The following MKLN1 variants were observed in gnomAD, a reference collection of about 807,000 sequenced individuals.
The protein encoded by MKLN1 is muskelin.
MKLN1 carries 18 observed loss-of-function variants against 99.0 expected under a neutral mutation model. The observed-to-expected ratio is 0.18, with a 90% CI of 0.13 to 0.27. The LOEUF (loss-of-function observed/expected upper bound fraction) is 0.27. Among genes scored for constraint, MKLN1 ranks in the 10% least tolerant of loss-of-function variants. MKLN1 has a pLI of 1.00. For missense variants in MKLN1, 621 were observed against 875.9 expected, an observed-to-expected ratio of 0.71 and a Z score of 3.67; for synonymous variants, 288 against 293.2, an observed-to-expected ratio of 0.98 and a Z score of 0.18.
At chr7:131,481,142 G>A (rs1489762178) in intron 17 of MKLN1, among the ~76,000 whole-genome samples, 2 of 152,168 alleles carry the variant, frequency 1.3e-5, no homozygotes, top group East Asian at 3.8e-4. Flanking sequence ...TTCCTGTCTT[G>A]TCTGAGGGGA....
intron 2 of MKLN1, among the ~76,000 whole-genome samples, chr7:131,152,526 G>T: frequency 7.1e-6 from 1 of 141,464 alleles, no homozygotes. Flanking sequence ...TGGAGACGGA[G>T]TCTCGCTCTG....
At chr7:131,132,194 G>A (rs1013044196) in intron 1 of MKLN1, among the ~76,000 whole-genome samples, 1 of 152,190 alleles carries the variant, frequency 6.6e-6, no homozygotes, top group African/African-American at 2.4e-5. Flanking sequence ...CAAGATTTGA[G>A]TTGATCATAA....
At chr7:131,294,062 T>C (rs10248704) in intron 3 of MKLN1, among the ~76,000 whole-genome samples, 23,425 of 151,854 alleles carry the variant, frequency 0.15, 1,849 homozygotes, top group East Asian at 0.24. Context: ...GCTAAAAGTC[T>C]GTCTTGGGGC....
At chr7:131,371,882 G>A (rs9640866) in intron 1 of MKLN1, among the ~76,000 whole-genome samples, 82,802 of 151,336 alleles carry the variant, frequency 0.55, 23,107 homozygotes, top group East Asian at 0.67. Flanking sequence ...ATTCATTACA[G>A]CTGACAAATT....
intron 10 of MKLN1, among the ~76,000 whole-genome samples, chr7:131,440,973 G>T (rs1795821921): frequency 6.6e-6 from 1 of 152,150 alleles, no homozygotes; most frequent in Non-Finnish European, 1.5e-5. Flanking sequence ...GAACTAAAAT[G>T]AGACTGGTAT....
At chr7:131,135,578 A>G (rs1248719889) in intron 1 of MKLN1, among the ~76,000 whole-genome samples, 1 of 152,220 alleles carries the variant, frequency 6.6e-6, no homozygotes, top group African/African-American at 2.4e-5. Context: ...CTGCGAGGGA[A>G]CAATGAGGTA....
chr7:131,417,606 A>G lies in MKLN1; in HGVS notation c.847+2896A>G, dbSNP rs541307737. On this transcript the variant is annotated intron_variant, in intron 8 of 17. Coordinates refer to ENST00000352689, the MANE Select transcript of MKLN1 (RefSeq NM_013255.5). ...TCAGGTGGTCCTTGATATCAGTAAT[A>G]GAGATGGCATATAAAACATTTGGAG... 2.6e-5 allele frequency among the ~76,000 whole-genome samples: 4 copies of G among 152,362 alleles called. No individual in the cohort carries two copies. The East Asian group carries it at 5.8e-4, about 22-fold the overall frequency.
intron 3 of MKLN1, among the ~76,000 whole-genome samples, chr7:131,293,253 C>A (rs1798247809): frequency 6.6e-6 from 1 of 152,220 alleles, no homozygotes; most frequent in Non-Finnish European, 1.5e-5. Flanking sequence ...TCCTAGTCAA[C>A]TTACCAAATG....
rs535600005 is a variant in MKLN1 at position 131,392,843 on chromosome 7, G to A, written c.400+3871G>A. Among the ~76,000 whole-genome samples, 4 of 152,004 alleles carry A rather than the reference G, an allele frequency of 2.6e-5. No homozygotes were observed. The East Asian group carries it at 5.8e-4, about 22-fold the overall frequency. On this transcript the variant is annotated intron_variant, in intron 4 of 17. Transcript: ENST00000352689. ...TGGTCTTGAACTCCCGACCTGAGGC[G>A]ATCCACCCGCCTTGGCCTCCCAAAG...
rs553913652 is a variant in MKLN1 at position 131,300,091 on chromosome 7, TAAG to T, written c.-178-75332_-178-75330del. On this transcript the variant is annotated intron_variant, in intron 3 of 7. Coordinates refer to the MKLN1 transcript ENST00000416992. ...GCTTTTGCTTCATATTATAGTCAAT[TAAG>T]GAGCTGGGAGTGGGAAAGATGATGA... Among the ~76,000 whole-genome samples, 308 of 152,142 alleles carry T rather than the reference TAAG, an allele frequency of 2.0e-3. 3 individuals carry two copies. The highest frequency in any genetic ancestry group is 6.9e-3 in the African/African-American group (288 of 41,500).
Position 131,375,512 on chromosome 7 carries a change from C to G in MKLN1, c.168+19C>G, listed in dbSNP as rs1212705563. ...TCCCCAGGTAAGATTACATGTATCC[C>G]TTAATGCTGTTTAGAAGTCACCATT... On this transcript the variant is annotated intron_variant, in intron 2 of 17. Transcript: ENST00000352689. 4 of 1,492,704 alleles carry G rather than the reference C, an allele frequency of 2.7e-6. No individual in the cohort carries two copies. The highest frequency in any genetic ancestry group is 3.7e-6 in the Non-Finnish European group (4 of 1,069,946). 92.5% of individuals were successfully genotyped at this position (1,492,704 alleles called of 1,614,324 possible).
chr7:131,282,698 T>C (rs1798069932), intron 3 of MKLN1, among the ~76,000 whole-genome samples: 1 of 152,208 alleles, frequency 6.6e-6, no homozygotes. Context: ...CCCATCTTCT[T>C]TGAAAACATT....
chr7:131,192,277 A>T (rs573042214), intron 2 of MKLN1, among the ~76,000 whole-genome samples: 1 of 80,506 alleles, frequency 1.2e-5, no homozygotes, highest in Non-Finnish European at 2.2e-5. Flanking sequence ...TAAATATATA[A>T]AATATATAAT....
chr7:131,315,137 C>T (rs555321490), intron 3 of MKLN1, among the ~76,000 whole-genome samples: 1 of 152,044 alleles, frequency 6.6e-6, no homozygotes, highest in South Asian at 2.1e-4. Context: ...CCAAGATGGC[C>T]GAATAGAAAC....
At chr7:131,251,844 AT>A (rs1055782329) in intron 3 of MKLN1, among the ~76,000 whole-genome samples, 2 of 151,644 alleles carry the variant, frequency 1.3e-5, no homozygotes, top group Admixed American at 1.3e-4. Context: ...AAATTCTTGT[AT>A]TTTTTGTAGA....
chr7:131,212,553 T>G (rs1796921117), intron 3 of MKLN1, among the ~76,000 whole-genome samples: 1 of 152,212 alleles, frequency 6.6e-6, no homozygotes, highest in Non-Finnish European at 1.5e-5. Context: ...TTAAAATATT[T>G]CAAAACATCT....
chr7:131,343,418 GC>G (rs1188518605), intron 1 of MKLN1, among the ~76,000 whole-genome samples: 4 of 152,154 alleles, frequency 2.6e-5, no homozygotes, highest in Admixed American at 6.5e-5. Context: ...CCTTTTTAAT[GC>G]TTTTAGTAAG....
At chr7:131,249,245 A>G (rs1234380038) in intron 3 of MKLN1, among the ~76,000 whole-genome samples, 1 of 152,252 alleles carries the variant, frequency 6.6e-6, no homozygotes, top group East Asian at 1.9e-4. Context: ...CTCCCTGGTG[A>G]CTAACAAAAT....
At chr7:131,378,549 G>A (rs114206360) in intron 2 of MKLN1, among the ~76,000 whole-genome samples, 5,355 of 152,254 alleles carry the variant, frequency 0.035, 311 homozygotes, top group African/African-American at 0.12. Flanking sequence ...TATATCCACG[G>A]CCGGACGTGG....
Sources: gnomAD v4.1 joint callset for allele counts (sites outside exome capture counted in the v4.1 genomes callset) on GRCh38, gnomAD v4.1.1 for gene constraint, MANE v1.5 for transcripts, NCBI Gene and HGNC (gene_info 2026-07-23, HGNC 2026-07-21) for gene names.